Variants in ZNF536 observed in about 807,000 individuals in gnomAD.
ZNF536 encodes zinc finger protein 536.
A neutral mutation model predicts 84.5 loss-of-function variants in ZNF536; 13 were observed. That is an observed-to-expected ratio of 0.15 (90% CI 0.10 to 0.24). The LOEUF is 0.24. Among genes scored for constraint, ZNF536 ranks in the 10% least tolerant of loss-of-function variants. The pLI, the probability that ZNF536 is intolerant of heterozygous loss-of-function variation, is 1.00. For missense variants in ZNF536, 1,536 were observed against 1,747.5 expected (o/e 0.88, Z 2.16); for synonymous variants, 811 against 742.5 (o/e 1.09, Z -1.50).
rs147186242 is a variant in ZNF536 at position 30,236,050 on chromosome 19, C to T, written c.-190+7377C>T. The stretch of plus-strand genomic sequence containing the variant: ...GTCAATGCTGGTGGGTGGGCAGTCC[C>T]CCTCCAACAGCCCAAGAAGAGTTCA... On this transcript the variant is annotated intron_variant, in intron 1 of 5. Transcript: ENST00000585628. Among the ~76,000 whole-genome samples the T allele has an allele frequency of 2.6e-5, 4 of 152,360 alleles. No homozygotes were observed. The East Asian group carries it at 5.8e-4, about 22-fold the overall frequency.
intron 1 of ZNF536, among the ~76,000 whole-genome samples, chr19:30,638,670 G>T (rs1568626141): frequency 6.6e-6 from 1 of 152,190 alleles, no homozygotes; most frequent in Non-Finnish European, 1.5e-5. Context: ...TCAGATTTGG[G>T]TGGGGACAGA....
chr19:30,529,676 C>T (rs2145854600), intron 2 of ZNF536, among the ~76,000 whole-genome samples: 1 of 152,310 alleles, frequency 6.6e-6, no homozygotes, highest in South Asian at 2.1e-4. Flanking sequence ...TGCCTGATGT[C>T]TCCTTGTTCC....
chr19:30,531,185 C>G (rs2044800164), intron 2 of ZNF536, among the ~76,000 whole-genome samples: 1 of 152,188 alleles, frequency 6.6e-6, no homozygotes, highest in African/African-American at 2.4e-5. Flanking sequence ...GCAAAGAAAA[C>G]TGTTTATCTT....
At chr19:30,674,749 A>G (rs529765111) in intron 1 of ZNF536, among the ~76,000 whole-genome samples, 1 of 152,290 alleles carries the variant, frequency 6.6e-6, no homozygotes, top group African/African-American at 2.4e-5. Flanking sequence ...CTGGGATGTC[A>G]ATAAAAGCCT....
chr19:30,530,677 T>G (rs2044770177), intron 2 of ZNF536, among the ~76,000 whole-genome samples: 1 of 152,170 alleles, frequency 6.6e-6, no homozygotes, highest in Admixed American at 6.5e-5. Context: ...GCCTGCTTCC[T>G]GGAGTGGCTA....
intron 1 of ZNF536, among the ~76,000 whole-genome samples, chr19:30,678,141 A>G (rs2050823644): frequency 6.6e-6 from 1 of 152,224 alleles, no homozygotes; most frequent in African/African-American, 2.4e-5. Context: ...GAAACAATCA[A>G]CAACTTGCAA....
intron 2 of ZNF536, among the ~76,000 whole-genome samples, chr19:30,303,593 C>A (rs1203288816): frequency 6.6e-6 from 1 of 152,062 alleles, no homozygotes; most frequent in Non-Finnish European, 1.5e-5. Context: ...ACCTCCGCCT[C>A]CCAGGTTCAA....
chr19:30,628,829 G>T (rs573482005), intron 1 of ZNF536, among the ~76,000 whole-genome samples: 1 of 151,844 alleles, frequency 6.6e-6, no homozygotes, highest in African/African-American at 2.4e-5. Flanking sequence ...CTCAGCCTCC[G>T]CAGTAGCTGG....
intron 1 of ZNF536, among the ~76,000 whole-genome samples, chr19:30,655,465 T>C (rs2049874692): frequency 6.6e-6 from 1 of 152,098 alleles, no homozygotes; most frequent in Admixed American, 6.6e-5. Flanking sequence ...TGGAAGTCAT[T>C]GAATGGGGAA....
At chr19:30,257,747 C>T (rs1411592542) in intron 1 of ZNF536, among the ~76,000 whole-genome samples, 1 of 152,216 alleles carries the variant, frequency 6.6e-6, no homozygotes, top group Non-Finnish European at 1.5e-5. Flanking sequence ...AAGGTGGTCA[C>T]TGTAAGGCCA....
At chr19:30,599,571 T>C (rs2047609974) in intron 1 of ZNF536, among the ~76,000 whole-genome samples, 1 of 150,744 alleles carries the variant, frequency 6.6e-6, no homozygotes, top group Non-Finnish European at 1.5e-5. Context: ...CAGCAAACCT[T>C]CTCCATTGAG....
intron 3 of ZNF536, among the ~76,000 whole-genome samples, 173 bp downstream of exon 3, chr19:30,535,172 G>A (rs966738518): frequency 4.6e-5 from 7 of 152,286 alleles, no homozygotes; most frequent in Middle Eastern, 3.4e-3. Flanking sequence ...TTCCTGATTC[G>A]TCACTTAACT....
At chr19:30,493,971 T>C (rs1302991977) in intron 2 of ZNF536, among the ~76,000 whole-genome samples, 1 of 152,126 alleles carries the variant, frequency 6.6e-6, no homozygotes, top group Admixed American at 6.5e-5. Context: ...GCAGGGTGGC[T>C]ACTAAAATAA....
rs869301101 is a variant in ZNF536 at position 30,402,796 on chromosome 19, AAT to A, written c.-3+30266_-3+30267del. Among the ~76,000 whole-genome samples the A allele has an allele frequency of 1.3e-3, 108 of 85,596 alleles. 1 individual carries two copies. The East Asian group carries it at 0.034, about 27-fold the overall frequency. 56.2% of individuals were successfully genotyped at this position (85,596 alleles called of 152,430 possible). A position where few individuals can be genotyped will look rare whatever the true frequency, so the allele number is the denominator to read the frequency against. On this transcript the variant is annotated intron_variant, in intron 1 of 4. Transcript: ENST00000355537. ...TTTTAAACATTTTTTAAAATTAAAA[AAT>A]ATATATATATATATATATATATATA...
intron 2 of ZNF536, among the ~76,000 whole-genome samples, chr19:30,454,835 C>T (rs1010047597): frequency 2.6e-5 from 4 of 152,202 alleles, no homozygotes; most frequent in South Asian, 2.1e-4. Flanking sequence ...GAGTTCGAGA[C>T]CAGCCTGGCC....
intron 1 of ZNF536, among the ~76,000 whole-genome samples, chr19:30,654,099 CTCCCT>C (rs2049812837): frequency 6.6e-6 from 1 of 152,166 alleles, no homozygotes; most frequent in Non-Finnish European, 1.5e-5. Context: ...AGATCCTCCC[CTCCCT>C]GTCGCCGACG....
Position 30,487,528 on chromosome 19 carries a change from TTCTC to T in ZNF536, c.2170+41805_2170+41808del, listed in dbSNP as rs966505795. ...TGATGCCTTCTCAGTCTCTCTCTCT[TTCTC>T]TCTCTCTCCCTCCATTCCTCCCTCT... On this transcript the variant is annotated intron_variant, in intron 2 of 4. Coordinates refer to ENST00000355537, the MANE Select transcript of ZNF536 (RefSeq NM_014717.3). Among the ~76,000 whole-genome samples, 692 of 152,168 alleles carry T rather than the reference TTCTC, an allele frequency of 4.5e-3. 3 individuals are homozygous for T. The highest frequency in any genetic ancestry group is 0.016 in the African/African-American group (662 of 41,524).
intron 2 of ZNF536, among the ~76,000 whole-genome samples, chr19:30,521,807 G>C (rs1166524524): frequency 1.3e-5 from 2 of 152,120 alleles, no homozygotes; most frequent in Admixed American, 1.3e-4. Context: ...TAACCGCGGT[G>C]ATAACTGGGA....
intron 1 of ZNF536, among the ~76,000 whole-genome samples, chr19:30,574,609 G>A (rs1055146828): frequency 2.6e-5 from 4 of 152,172 alleles, no homozygotes; most frequent in East Asian, 3.9e-4. Context: ...TCTGGCTTCC[G>A]GTCAATCCAG....
Sources: gnomAD v4.1 joint callset for allele counts (sites outside exome capture counted in the v4.1 genomes callset) on GRCh38, gnomAD v4.1.1 for gene constraint, MANE v1.5 for transcripts, NCBI Gene and HGNC (gene_info 2026-07-23, HGNC 2026-07-21) for gene names.